Variants in ME3 observed in about 807,000 individuals in gnomAD.
ME3 encodes NADP-dependent malic enzyme, mitochondrial.
Under a neutral mutation model 68.9 loss-of-function variants are expected in ME3, and 48 were observed. The observed-to-expected ratio is 0.70, with a 90% CI of 0.55 to 0.89. The LOEUF is 0.89. Among genes scored for constraint, ME3 ranks in the 40% least tolerant of loss-of-function variants. The pLI is 0.00. For synonymous variants in ME3, 320 were observed against 318.8 expected, an observed-to-expected ratio of 1.00 and a Z score of -0.04; for missense variants, 675 against 797.4, an observed-to-expected ratio of 0.85 and a Z score of 1.85.
intron 4 of ME3, among the ~76,000 whole-genome samples, chr11:86,524,309 C>T (rs748842660): frequency 1.1e-4 from 17 of 152,336 alleles, no homozygotes; most frequent in African/African-American, 1.7e-4. Context: ...GACTCAGAGG[C>T]GCAGCCAATG....
At chr11:86,534,081 G>GTGTATATATATATATA (rs1361825219) in intron 4 of ME3, among the ~76,000 whole-genome samples, 26 of 127,514 alleles carry the variant, frequency 2.0e-4, no homozygotes, top group African/African-American at 8.3e-4. Context: ...GTGTGTGTGT[G>GTGTATATATATATATA]TATATATATA....
intron 4 of ME3, among the ~76,000 whole-genome samples, chr11:86,554,230 T>C (rs2139431015): frequency 6.6e-6 from 1 of 152,286 alleles, no homozygotes; most frequent in East Asian, 1.9e-4. Flanking sequence ...CATAAGAGCA[T>C]ATGGAGTGAG....
chr11:86,556,423 T>C (rs2139442716), intron 4 of ME3, 130 bp downstream of exon 4: 2 of 1,129,458 alleles, frequency 1.8e-6, no homozygotes, highest in South Asian at 1.8e-5. Context: ...TGAAATCAAA[T>C]GTCTTTTTGT....
chr11:86,498,068 G>A (rs35059554), exon 6 of ME3: 65,804 of 1,613,456 alleles, frequency 0.041, 1,515 homozygotes, highest in South Asian at 0.063. Flanking sequence ...TGCCCATGCC[G>A]TAGCAGCCCA....
chr11:86,634,960 G>A (rs1299485784), intron 2 of ME3, among the ~76,000 whole-genome samples: 1 of 152,162 alleles, frequency 6.6e-6, no homozygotes, highest in Non-Finnish European at 1.5e-5. Flanking sequence ...AATTCTTGAG[G>A]GGTGAAATTG....
At chr11:86,526,819 G>A (rs892406151) in intron 4 of ME3, among the ~76,000 whole-genome samples, 1 of 152,144 alleles carries the variant, frequency 6.6e-6, no homozygotes, top group Non-Finnish European at 1.5e-5. Flanking sequence ...ACTGTTAGAA[G>A]GAAAACTAAC....
At chr11:86,579,586 G>T (rs941183067) in intron 2 of ME3, among the ~76,000 whole-genome samples, 11 of 152,304 alleles carry the variant, frequency 7.2e-5, no homozygotes, top group Non-Finnish European at 1.3e-4. Flanking sequence ...TGAGTACTGT[G>T]GAGAACAACC....
chr11:86,664,552 C>T (rs899756669), intron 2 of ME3, among the ~76,000 whole-genome samples: 1 of 152,172 alleles, frequency 6.6e-6, no homozygotes, highest in Non-Finnish European at 1.5e-5. Context: ...GCACCCCATT[C>T]CATATTTCCT....
At chr11:86,618,499 A>G (rs983492008) in intron 2 of ME3, among the ~76,000 whole-genome samples, 13 of 152,138 alleles carry the variant, frequency 8.5e-5, no homozygotes, top group African/African-American at 3.1e-4. Context: ...GCAATGAAGA[A>G]ATATTAGCTA....
rs755547920 is a variant in ME3 at position 86,465,203 on chromosome 11, G to A, written c.810-3C>T. 2 of 1,606,170 alleles carry A rather than the reference G, an allele frequency of 1.2e-6. No individual in the cohort carries two copies. Among genetic ancestry groups the A allele is most frequent in the East Asian group, 4.5e-5 (2 of 44,814 alleles). ...GGATGAGGCAATTTATTCCAAACCT[G>A]TGTGGAGGGAGAGGAAGAAACCCAT... is the stretch of plus-strand genomic sequence containing the variant. On this transcript the variant is annotated splice_region_variant and splice_polypyrimidine_tract_variant and intron_variant, in intron 7 of 14. Coordinates refer to ENST00000543262, the Ensembl canonical transcript of ME3.
At chr11:86,475,334 C>T (rs887772537) in intron 7 of ME3, among the ~76,000 whole-genome samples, 2 of 152,150 alleles carry the variant, frequency 1.3e-5, no homozygotes, top group Admixed American at 1.3e-4. Context: ...TACCTTCTCC[C>T]GCTTTGCCTT....
intron 4 of ME3, among the ~76,000 whole-genome samples, chr11:86,537,561 T>C (rs1955761754): frequency 6.6e-6 from 1 of 152,166 alleles, no homozygotes; most frequent in African/African-American, 2.4e-5. Context: ...ATTTATAGCT[T>C]CATGAACCTC....
chr11:86,515,411 A>T (rs1255653240), intron 4 of ME3, among the ~76,000 whole-genome samples: 2 of 152,176 alleles, frequency 1.3e-5, no homozygotes, highest in African/African-American at 2.4e-5. Flanking sequence ...TGAGATTAGA[A>T]CACAGGGCTC....
chr11:86,531,994 A>AC (rs1308948994), intron 4 of ME3, among the ~76,000 whole-genome samples: 5 of 151,320 alleles, frequency 3.3e-5, no homozygotes, highest in African/African-American at 1.2e-4. Flanking sequence ...AACCAAACCA[A>AC]AAAAAAACCA....
chr11:86,516,351 ATCTCTC>A (rs138871212), intron 4 of ME3, among the ~76,000 whole-genome samples: 12 of 134,218 alleles, frequency 8.9e-5, no homozygotes, highest in African/African-American at 3.3e-4. Context: ...AGTAAATAAA[ATCTCTC>A]TCTCTCTCTC....
chr11:86,439,995 A>G (rs1389960720), downstream of ME3, among the ~76,000 whole-genome samples: 1 of 152,200 alleles, frequency 6.6e-6, no homozygotes, highest in East Asian at 1.9e-4. Context: ...GAGCACCAGC[A>G]CCAAGGAAGC....
intron 4 of ME3, among the ~76,000 whole-genome samples, chr11:86,540,943 T>A (rs1956006756): frequency 1.3e-5 from 2 of 152,192 alleles, no homozygotes; most frequent in African/African-American, 4.8e-5. Flanking sequence ...GGTACCTGGC[T>A]CATCTCATTG....
chr11:86,621,148 A>G (rs1943323662), intron 2 of ME3, among the ~76,000 whole-genome samples: 1 of 152,214 alleles, frequency 6.6e-6, no homozygotes, highest in Admixed American at 6.5e-5. Context: ...TATTCCTGCC[A>G]TCTCCAAATT....
At chr11:86,558,181 T>C (rs931229138) in intron 3 of ME3, among the ~76,000 whole-genome samples, 1 of 152,210 alleles carries the variant, frequency 6.6e-6, no homozygotes, top group South Asian at 2.1e-4. Flanking sequence ...TGAATTTAAC[T>C]TTTAGAGCTT....
Sources: allele counts gnomAD v4.1 joint callset (sites outside exome capture counted in the v4.1 genomes callset), GRCh38; gene constraint gnomAD v4.1.1; transcripts MANE v1.5; gene names NCBI Gene and HGNC (gene_info 2026-07-23, HGNC 2026-07-21).